SMYD3: variants seen among roughly 807,000 people sequenced by gnomAD.
SMYD3 encodes the protein SET and MYND domain containing 3.
A neutral mutation model predicts 57.7 loss-of-function variants in SMYD3; 36 were observed. That is an observed-to-expected ratio of 0.62 (90% CI 0.48 to 0.82). SMYD3 has a LOEUF of 0.82. SMYD3 is among the 40% of genes least tolerant of loss of function. The pLI is 0.00. For synonymous variants in SMYD3, 211 were observed against 195.0 expected (o/e 1.08, Z -0.68); for missense variants, 515 against 538.8 (o/e 0.96, Z 0.44).
chr1:246,138,574 C>T (rs1480616951), intron 5 of SMYD3, among the ~76,000 whole-genome samples: 1 of 104,942 alleles, frequency 9.5e-6, no homozygotes, highest in African/African-American at 2.6e-5. Flanking sequence ...TGCAGGCTCC[C>T]GCCACCACGC....
intron 5 of SMYD3, among the ~76,000 whole-genome samples, chr1:246,038,678 C>A (rs1187602114): frequency 1.3e-5 from 2 of 152,228 alleles, no homozygotes; most frequent in Admixed American, 6.5e-5. Flanking sequence ...GCTCCAACAT[C>A]TTTCCGACAT....
chr1:245,796,481 A>G (rs2047525389), intron 10 of SMYD3, among the ~76,000 whole-genome samples: 1 of 152,152 alleles, frequency 6.6e-6, no homozygotes, highest in Non-Finnish European at 1.5e-5. Flanking sequence ...GTCTATGATC[A>G]ACTATCTTTT....
At chr1:246,163,709 C>T (rs2062159016) in intron 5 of SMYD3, among the ~76,000 whole-genome samples, 1 of 152,192 alleles carries the variant, frequency 6.6e-6, no homozygotes, top group Non-Finnish European at 1.5e-5. Context: ...TAGCTACTGT[C>T]ACTTTATAAA....
chr1:246,287,775 T>C (rs1321198803), intron 5 of SMYD3, among the ~76,000 whole-genome samples: 3 of 152,218 alleles, frequency 2.0e-5, no homozygotes, highest in African/African-American at 7.2e-5. Flanking sequence ...TGTTCAATTA[T>C]GACACCTATA....
chr1:245,951,296 A>G (rs1444038917), intron 5 of SMYD3, among the ~76,000 whole-genome samples: 1 of 151,596 alleles, frequency 6.6e-6, no homozygotes, highest in African/African-American at 2.4e-5. Context: ...TACACGTCAG[A>G]TCTCTTGAAA....
At chr1:246,055,917 T>C (rs2060143490) in intron 5 of SMYD3, among the ~76,000 whole-genome samples, 1 of 152,042 alleles carries the variant, frequency 6.6e-6, no homozygotes, top group African/African-American at 2.4e-5. Context: ...TGAAAAAGAG[T>C]TCTGGAGCTG....
intron 8 of SMYD3, among the ~76,000 whole-genome samples, chr1:245,879,368 A>T (rs2052654056): frequency 6.6e-6 from 1 of 152,246 alleles, no homozygotes; most frequent in Non-Finnish European, 1.5e-5. Flanking sequence ...CGCTAAATGC[A>T]CATGAGCTGT....
At chr1:246,228,303 G>A (rs182309600) in intron 5 of SMYD3, among the ~76,000 whole-genome samples, 224 of 152,126 alleles carry the variant, frequency 1.5e-3, no homozygotes, top group African/African-American at 5.3e-3. Flanking sequence ...TACTTCAGAA[G>A]GCCCTAAAGC....
chr1:246,292,850 A>G (rs2064721873), intron 5 of SMYD3, among the ~76,000 whole-genome samples: 1 of 152,176 alleles, frequency 6.6e-6, no homozygotes, highest in African/African-American at 2.4e-5. Context: ...CATGGCAGAC[A>G]CTGAAAAAAC....
chr1:246,459,113 C>T (rs2067752885), intron 1 of SMYD3, among the ~76,000 whole-genome samples: 1 of 152,194 alleles, frequency 6.6e-6, no homozygotes, highest in Non-Finnish European at 1.5e-5. Context: ...TTACAGAGTT[C>T]TCGCAAGATA....
At chr1:246,059,906 A>T (rs1221776926) in intron 5 of SMYD3, among the ~76,000 whole-genome samples, 12 of 152,146 alleles carry the variant, frequency 7.9e-5, no homozygotes, top group Non-Finnish European at 1.8e-4. Context: ...AATAGAGAAG[A>T]CAGTACAGAA....
intron 1 of SMYD3, among the ~76,000 whole-genome samples, chr1:246,494,747 T>A (rs2068329596): frequency 6.6e-6 from 1 of 152,242 alleles, no homozygotes. Context: ...TTTTATATAC[T>A]CAAATTCATT....
At chr1:246,154,789 G>GTT (rs56920133) in intron 5 of SMYD3, among the ~76,000 whole-genome samples, 5,420 of 144,086 alleles carry the variant, frequency 0.038, 134 homozygotes, top group South Asian at 0.089. Flanking sequence ...TTTGTTTTTT[G>GTT]TTTTTTTTTT....
chr1:246,204,711 A>G (rs1415903893), intron 5 of SMYD3, among the ~76,000 whole-genome samples: 2 of 152,206 alleles, frequency 1.3e-5, no homozygotes, highest in Non-Finnish European at 2.9e-5. Context: ...ACAAATGCTG[A>G]TATCATTCTG....
chr1:246,024,320 C>T (rs2059533722), intron 5 of SMYD3, among the ~76,000 whole-genome samples: 1 of 151,872 alleles, frequency 6.6e-6, no homozygotes, highest in Admixed American at 6.6e-5. Context: ...AAGAGAGATA[C>T]AGGAAGTGGA....
intron 2 of SMYD3, among the ~76,000 whole-genome samples, chr1:246,353,990 C>G (rs1225832623): frequency 6.6e-6 from 1 of 152,124 alleles, no homozygotes; most frequent in African/African-American, 2.4e-5. Flanking sequence ...ATTAAGACCA[C>G]TTTTTGTGTC....
chr1:245,845,750 G>A (rs2050632632), intron 10 of SMYD3, among the ~76,000 whole-genome samples: 1 of 152,190 alleles, frequency 6.6e-6, no homozygotes, highest in African/African-American at 2.4e-5. Context: ...TCATGTAATT[G>A]TCCTTTCATC....
At chr1:245,814,300 AC>A (rs1166663308) in intron 10 of SMYD3, 1 of 876,820 alleles carries the variant, frequency 1.1e-6, no homozygotes, top group Admixed American at 6.2e-5. Context: ...AATTATCCAA[AC>A]CACTGTCTTC....
chr1:246,450,278 C>A (rs1408686149), intron 1 of SMYD3, among the ~76,000 whole-genome samples: 1 of 151,272 alleles, frequency 6.6e-6, no homozygotes, highest in East Asian at 1.9e-4. Flanking sequence ...GCAACAAAAG[C>A]GAAACTCTAT....
Sources: gnomAD v4.1 joint callset for allele counts (sites outside exome capture counted in the v4.1 genomes callset) on GRCh38, gnomAD v4.1.1 for gene constraint, MANE v1.5 for transcripts, NCBI Gene and HGNC (gene_info 2026-07-23, HGNC 2026-07-21) for gene names.